Variants in KIF1A observed in about 807,000 individuals in gnomAD.
The protein encoded by KIF1A is kinesin family member 1A, also known as kinesin-like protein KIF1A.
KIF1A carries 46 observed loss-of-function variants against 227.3 expected under a neutral mutation model. That is an observed-to-expected ratio of 0.20 (90% CI 0.16 to 0.26). The LOEUF is 0.26. Ranked by LOEUF, KIF1A falls within the 10% of genes least tolerant of loss-of-function variation. The pLI is 1.00. For synonymous variants in KIF1A, 1,022 were observed against 1,012.8 expected, an observed-to-expected ratio of 1.01 and a Z score of -0.17; for missense variants, 1,683 against 2,485.9, an observed-to-expected ratio of 0.68 and a Z score of 6.87.
At chr2:240,777,551 C>T (rs2052918997) in intron 10 of KIF1A, among the ~76,000 whole-genome samples, 1 of 152,170 alleles carries the variant, frequency 6.6e-6, no homozygotes. Context: ...GTCTAGGCCC[C>T]CCAGCCTCCA....
At chr2:240,723,014 T>A (rs1230560043) in intron 42 of KIF1A, among the ~76,000 whole-genome samples, 1 of 152,102 alleles carries the variant, frequency 6.6e-6, no homozygotes, top group East Asian at 1.9e-4. Context: ...GCCTCACGCA[T>A]CTCACACGTC....
Position 240,766,317 on chromosome 2 carries a change from C to T in KIF1A, c.1685-524G>A, listed in dbSNP as rs557029667. 1.5e-4 allele frequency among the ~76,000 whole-genome samples: 23 copies of T among 152,330 alleles called. No individual in the cohort carries two copies. Among genetic ancestry groups the T allele is most frequent in the African/African-American group, 4.8e-4 (20 of 41,572 alleles). ...TTAGCCTGGGCTGTGGGCCATGTGA[C>T]GGCACACTGACACCACAGGCCCATC... On this transcript the variant is annotated intron_variant, in intron 19 of 48. Coordinates refer to ENST00000498729, the MANE Select transcript of KIF1A (RefSeq NM_001244008.2). This position sits in a 1 kb window ranked among gnomAD's most constrained non-coding sequence, Gnocchi z 5.0.
At chr2:240,749,025 C>G (rs1476322374) in intron 28 of KIF1A, among the ~76,000 whole-genome samples, 1 of 151,900 alleles carries the variant, frequency 6.6e-6, no homozygotes, top group African/African-American at 2.4e-5. Flanking sequence ...ACTCGGCAGG[C>G]TGAGGCAGGA....
In KIF1A at chr2:240,715,822, GAT is replaced by G. The variant is rs1397522584; in HGVS notation, c.*1540_*1541del. On this transcript the variant is annotated 3_prime_UTR_variant, in exon 49 of 49. Transcript: ENST00000498729. Reference sequence around the variant, plus strand: ...TCCCCCACTCCAGGAGGCAGGATCTGATGAAAGTGCTGGGCCCTAGGTCTGGA... The same window carrying G: ...TCCCCCACTCCAGGAGGCAGGATCTGGAAAGTGCTGGGCCCTAGGTCTGGA... The G allele has an allele frequency of 2.0e-5, 3 of 152,434 alleles. No individual in the cohort carries two copies. In the East Asian group the frequency reaches 5.7e-4, roughly 29 times the overall value. 9.4% of individuals were successfully genotyped at this position (152,434 alleles called of 1,614,324 possible). A position where few individuals can be genotyped will look rare whatever the true frequency, so the allele number is the denominator to read the frequency against.
At chr2:240,720,438 A>C (rs1014423047) in intron 45 of KIF1A, among the ~76,000 whole-genome samples, 4 of 152,204 alleles carry the variant, frequency 2.6e-5, no homozygotes, top group African/African-American at 9.6e-5. Context: ...TATTTAAATG[A>C]AAATCTGGAA....
chr2:240,766,749 T>TCTCTCTCACACACACACA lies in KIF1A; in HGVS notation c.1684+165_1684+166insTGTGTGTGTGTGAGAGAG, dbSNP rs1454271542. ...CTCTCTCTCTCTCTCTCTCTCTCTC[T>TCTCTCTCACACACACACA]CACACACACACACACACACACACAC... On this transcript the variant is annotated intron_variant, in intron 19 of 48. Transcript: ENST00000498729. This position sits in a 1 kb window ranked among gnomAD's most constrained non-coding sequence, Gnocchi z 5.0. 2.8e-5 allele frequency among the ~76,000 whole-genome samples: 3 copies of TCTCTCTCACACACACACA among 108,974 alleles called. No individual in the cohort carries two copies. The highest frequency in any genetic ancestry group is 1.2e-4 in the African/African-American group (3 of 24,112). The allele number at this position is 108,974 out of a possible 152,430, so 71.5% of individuals were successfully genotyped here. A position where few individuals can be genotyped will look rare whatever the true frequency, so the allele number is the denominator to read the frequency against.
intron 40 of KIF1A, chr2:240,724,329 C>T (rs768417461): frequency 6.2e-6 from 3 of 481,918 alleles, no homozygotes. Flanking sequence ...GGGGTACAGG[C>T]AACATGAGCA....
chr2:240,795,381 G>A (rs1018960766), intron 2 of KIF1A, among the ~76,000 whole-genome samples: 1 of 152,208 alleles, frequency 6.6e-6, no homozygotes, highest in African/African-American at 2.4e-5. Flanking sequence ...ATATGGCTCC[G>A]GCCTCTGGCT....
chr2:240,809,204 T>A (rs1209393431), intron 1 of KIF1A, among the ~76,000 whole-genome samples: 1 of 152,214 alleles, frequency 6.6e-6, no homozygotes, highest in Non-Finnish European at 1.5e-5. Context: ...AAAACTCAAG[T>A]TCTTTTGTGA....
At position 240,789,423 on chromosome 2, in the gene KIF1A, A is replaced by T. The variant is rs1404313480; in HGVS notation, c.107-111T>A. ...CTTAAGAGGCCTCGGGCCCCAGACA[A>T]GCCAGGCCCCCAAATTGGAGGGGAC... On this transcript the variant is annotated intron_variant, in intron 2 of 48. Coordinates refer to ENST00000498729, the MANE Select transcript of KIF1A (RefSeq NM_001244008.2). The surrounding 1 kb of genome is among the most constrained non-coding windows in gnomAD (Gnocchi z 4.8). The T allele has an allele frequency of 2.3e-6, 2 of 867,574 alleles. No homozygotes were observed. Among genetic ancestry groups the T allele is most frequent in the Admixed American group, 4.2e-5 (2 of 47,976 alleles). The allele number at this position is 867,574 out of a possible 1,614,324, so 53.7% of individuals were successfully genotyped here.
rs924202734 is a variant in KIF1A, at chr2:240,792,213, C to T, written c.107-2901G>A. On this transcript the variant is annotated intron_variant, in intron 2 of 48. Transcript: ENST00000498729. The surrounding 1 kb of genome is among the most constrained non-coding windows in gnomAD (Gnocchi z 4.5). ...CTGTGGAGACAGGCAGCCCCTCCTTCAGCAGCCTGCTTCTCACAGAGACCT... is the reference window on the plus strand; with the variant it reads ...CTGTGGAGACAGGCAGCCCCTCCTTTAGCAGCCTGCTTCTCACAGAGACCT... Among the ~76,000 whole-genome samples, 3 of 152,238 alleles carry T rather than the reference C, an allele frequency of 2.0e-5. No homozygotes were observed. Among genetic ancestry groups the T allele is most frequent in the Non-Finnish European group, 4.4e-5 (3 of 68,042 alleles).
chr2:240,761,517 G>A (rs572915069), intron 23 of KIF1A, 140 bp from the exon 24 acceptor site: 110 of 702,000 alleles, frequency 1.6e-4, no homozygotes, highest in African/African-American at 2.4e-4. Flanking sequence ...CATCACGGCC[G>A]GGTGGTTATC....
chr2:240,803,151 T>C (rs922468552), intron 1 of KIF1A, among the ~76,000 whole-genome samples: 1 of 152,134 alleles, frequency 6.6e-6, no homozygotes, highest in African/African-American at 2.4e-5. Context: ...TAAAAACCCA[T>C]GGGTCAAAGA....
chr2:240,784,085 T>TCA (rs2054410627), intron 7 of KIF1A, among the ~76,000 whole-genome samples: 1 of 152,208 alleles, frequency 6.6e-6, no homozygotes, highest in Admixed American at 6.5e-5. Flanking sequence ...TGGGTGGTTT[T>TCA]CACACAAGGG....
At chr2:240,802,026 A>C (rs1357143894) in intron 1 of KIF1A, among the ~76,000 whole-genome samples, 1 of 152,016 alleles carries the variant, frequency 6.6e-6, no homozygotes, top group African/African-American at 2.4e-5. Context: ...CAAACAAGAA[A>C]GCCACACAAG....
At chr2:240,803,736 T>C (rs1322938980) in intron 1 of KIF1A, among the ~76,000 whole-genome samples, 1 of 152,196 alleles carries the variant, frequency 6.6e-6, no homozygotes, top group African/African-American at 2.4e-5. Context: ...AGCTAAATTT[T>C]AAAAACAGCT....
Position 240,756,086 on chromosome 2 carries a change from G to A in KIF1A, c.2858+1233C>T, listed in dbSNP as rs534355702. ...TGGCACCTGCCCATGAGGACCTGCT[G>A]TCTTCCAAGAGGGAGGGTGAGGCTT... On this transcript the variant is annotated intron_variant, in intron 27 of 48. Coordinates refer to ENST00000498729, the MANE Select transcript of KIF1A (RefSeq NM_001244008.2). Among the ~76,000 whole-genome samples, 19 of 152,290 alleles carry A rather than the reference G, an allele frequency of 1.2e-4. No homozygotes were observed. In the South Asian group the frequency reaches 2.5e-3, roughly 20 times the overall value.
At chr2:240,811,226 G>A (rs1046998650) in intron 1 of KIF1A, among the ~76,000 whole-genome samples, 13 of 152,076 alleles carry the variant, frequency 8.5e-5, no homozygotes, top group African/African-American at 2.4e-4. Context: ...TTAGCTCAGC[G>A]TGGTGGCAGG....
Position 240,722,453 on chromosome 2 carries a change from C to A in KIF1A, c.4665+3G>T. 1 of 1,545,986 alleles carries A rather than the reference C, an allele frequency of 6.5e-7. No individual in the cohort carries two copies. The highest frequency in any genetic ancestry group is 8.7e-7 in the Non-Finnish European group (1 of 1,146,650). On this transcript the variant is annotated splice_donor_region_variant and intron_variant, in intron 43 of 48. Transcript: ENST00000498729. ...GGCTGTACTGCCCACCAGCTGGACCCACCTTGACGGCCAGCTCCCGCTGCC... is the reference window on the plus strand; with the variant it reads ...GGCTGTACTGCCCACCAGCTGGACCAACCTTGACGGCCAGCTCCCGCTGCC...
Sources: gnomAD v4.1 joint callset for allele counts (sites outside exome capture counted in the v4.1 genomes callset) on GRCh38, gnomAD v4.1.1 for gene constraint, Gnocchi (gnomAD v3.1) non-coding constraint, MANE v1.5 for transcripts, NCBI Gene and HGNC (gene_info 2026-07-23, HGNC 2026-07-21) for gene names.